The following C1QTNF1 variants were observed in gnomAD, a reference collection of about 807,000 sequenced individuals.
C1QTNF1 encodes the protein complement C1q tumor necrosis factor-related protein 1.
In C1QTNF1, 22 loss-of-function variants were observed where a neutral mutation model predicts 27.8. The observed-to-expected ratio is 0.79, with a 90% confidence interval of 0.56 to 1.13. The LOEUF is 1.13. Among genes scored for constraint, C1QTNF1 ranks in the 50% most tolerant of loss-of-function variants. The pLI is 0.00. For synonymous variants in C1QTNF1, 166 were observed against 154.3 expected (o/e 1.08, Z -0.56); for missense variants, 373 against 380.2 (o/e 0.98, Z 0.16).
At chr17:79,043,881 C>G (rs1409653780) in intron 1 of C1QTNF1, 74 bp from the exon 2 acceptor site, 2 of 1,556,934 alleles carry the variant, frequency 1.3e-6, no homozygotes, top group African/African-American at 1.4e-5. Context: ...GTTTCTCTCC[C>G]CAATTTTCAG....
Position 79,030,853 on chromosome 17 carries a change from G to A in C1QTNF1, c.-15+6359G>A, listed in dbSNP as rs543626492. On this transcript the variant is annotated intron_variant, in intron 1 of 3. Coordinates refer to ENST00000579760, the MANE Select transcript of C1QTNF1 (RefSeq NM_030968.5). ...TGACCTCAAGCGATCCGCCTGCCTCGGCCTCCCAGAGTGCTGGGATTACAG... is the reference window on the plus strand; with the variant it reads ...TGACCTCAAGCGATCCGCCTGCCTCAGCCTCCCAGAGTGCTGGGATTACAG... 6.6e-5 allele frequency among the ~76,000 whole-genome samples: 10 copies of A among 151,870 alleles called. No individual in the cohort carries two copies. The East Asian group carries it at 1.6e-3, about 24-fold the overall frequency.
At chr17:79,032,756 T>C (rs1355800493) in intron 1 of C1QTNF1, among the ~76,000 whole-genome samples, 1 of 151,982 alleles carries the variant, frequency 6.6e-6, no homozygotes, top group Non-Finnish European at 1.5e-5. Flanking sequence ...TATGAGTTAA[T>C]TGGGGGCTTA....
At chr17:79,025,410 G>A (rs984536599) in intron 1 of C1QTNF1, among the ~76,000 whole-genome samples, 2 of 152,160 alleles carry the variant, frequency 1.3e-5, no homozygotes, top group African/African-American at 4.8e-5. Context: ...GCCCCCCTCT[G>A]TGAGGTGTTC....
At chr17:79,034,840 C>G (rs764740412) in intron 1 of C1QTNF1, among the ~76,000 whole-genome samples, 13 of 152,130 alleles carry the variant, frequency 8.5e-5, no homozygotes, top group Admixed American at 1.3e-4. Context: ...AGGAGATAGG[C>G]TCCAGGACCC....
chr17:79,036,891 C>A (rs958091847), intron 1 of C1QTNF1, among the ~76,000 whole-genome samples: 1 of 152,156 alleles, frequency 6.6e-6, no homozygotes, highest in South Asian at 2.1e-4. Context: ...AGGCTTCTTG[C>A]CTCTCAGAAC....
chr17:79,034,665 G>A (rs981424039), intron 1 of C1QTNF1: 1 of 152,258 alleles, frequency 6.6e-6, no homozygotes, highest in Non-Finnish European at 1.5e-5. Context: ...CAGGGAAGAG[G>A]AAACCGTTGC....
At chr17:79,024,093 G>C (rs907937621), upstream of C1QTNF1, 1 of 152,800 alleles carries the variant, frequency 6.5e-6, no homozygotes. Flanking sequence ...GCGCGGCGCG[G>C]GGCACACACG....
rs397856558 is a variant in C1QTNF1, at chr17:79,039,797, G to GTA, written c.-14-4144_-14-4143dup. On this transcript the variant is annotated intron_variant, in intron 1 of 3. Coordinates refer to ENST00000579760, the MANE Select transcript of C1QTNF1 (RefSeq NM_030968.5). ...CTTAAATAAATATGTGTGTGTGTGT[G>GTA]TATATATATATATATGTAAATATGT... Among the ~76,000 whole-genome samples, 435 of 149,226 alleles carry GTA rather than the reference G, an allele frequency of 2.9e-3. 1 individual carries two copies. Among genetic ancestry groups the GTA allele is most frequent in the African/African-American group, 7.2e-3 (292 of 40,772 alleles).
chr17:79,042,331 G>A (rs941669844), intron 1 of C1QTNF1, among the ~76,000 whole-genome samples: 7 of 152,358 alleles, frequency 4.6e-5, no homozygotes, highest in East Asian at 1.9e-4. Context: ...CCCAAGTGCC[G>A]CCCCTCGCGG....
Position 79,043,959 on chromosome 17 carries a change from C to T in C1QTNF1, c.-10C>T, listed in dbSNP as rs373766762. 6.6e-5 allele frequency: 107 copies of T among 1,613,960 alleles called. No homozygotes were observed. In the Middle Eastern group the frequency reaches 1.3e-3, roughly 20 times the overall value. ...TGTGTGTTTCTTTCCCACCAGGGCC[C>T]GGCAGGAAGATGGGCTCCCGTGGAC... On this transcript the variant is annotated 5_prime_UTR_variant, in exon 2 of 4. Transcript: ENST00000579760.
chr17:79,026,853 C>T (rs1239014594), intron 1 of C1QTNF1, among the ~76,000 whole-genome samples: 1 of 152,196 alleles, frequency 6.6e-6, no homozygotes, highest in Non-Finnish European at 1.5e-5. Flanking sequence ...GAAGTGACCC[C>T]CCTTTTCAGG....
At chr17:79,026,275 C>T (rs945310706) in intron 1 of C1QTNF1, among the ~76,000 whole-genome samples, 5 of 152,142 alleles carry the variant, frequency 3.3e-5, no homozygotes, top group Non-Finnish European at 5.9e-5. Flanking sequence ...CCTGCCTCAG[C>T]CTCCCAAGTA....
chr17:79,048,040 C>A lies in C1QTNF1; in HGVS notation c.798C>A (p.Thr266=). The A allele has an allele frequency of 6.3e-7, 1 of 1,593,262 alleles. No individual in the cohort carries two copies. Among genetic ancestry groups the A allele is most frequent in the Non-Finnish European group, 8.5e-7 (1 of 1,172,158 alleles). Residue 266 remains threonine, a synonymous_variant, in exon 4 of 4, where the codon ACC becomes ACA. Transcript: ENST00000579760. ...ENAIFSEELD[T]YITFSGYLVK... ...CCATCTTCAGCGAGGAGCTGGACAC[C>A]TACATCACCTTCAGTGGCTACCTGG... is the stretch of plus-strand genomic sequence containing the variant.
Position 79,048,146 on chromosome 17 carries a change from A to AGGGCTCAGCACCAGG in C1QTNF1, c.*58_*59insGGGCTCAGCACCAGG. On this transcript the variant is annotated 3_prime_UTR_variant, in exon 4 of 4. Transcript: ENST00000579760. Reference sequence around the variant, plus strand: ...TCCACCCCTGCGCTGTGCTGACCCCACCGCCTCTTCCCCGATCCCTGGACT... The same window carrying AGGGCTCAGCACCAGG: ...TCCACCCCTGCGCTGTGCTGACCCCAGGGCTCAGCACCAGGCCGCCTCTTCCCCGATCCCTGGACT... 8.3e-5 allele frequency: 118 copies of AGGGCTCAGCACCAGG among 1,416,754 alleles called. No individual in the cohort carries two copies. The highest frequency in any genetic ancestry group is 1.7e-4 in the Admixed American group (6 of 35,756). The allele number at this position is 1,416,754 out of a possible 1,614,324, so 87.8% of individuals were successfully genotyped here. A position where few individuals can be genotyped will look rare whatever the true frequency, so the allele number is the denominator to read the frequency against.
intron 1 of C1QTNF1, among the ~76,000 whole-genome samples, chr17:79,035,330 T>C (rs1293975540): frequency 6.6e-6 from 1 of 152,052 alleles, no homozygotes; most frequent in Non-Finnish European, 1.5e-5. Flanking sequence ...ATTCTGGGGA[T>C]GTTCCAAAGG....
At position 79,043,615 on chromosome 17, in the gene C1QTNF1, G is replaced by T. The variant is rs1233014473; in HGVS notation, c.-14-340G>T. The T allele has an allele frequency of 8.6e-6, 4 of 467,546 alleles. No homozygotes were observed. In the East Asian group the frequency reaches 2.5e-4, roughly 29 times the overall value. The allele number at this position is 467,546 out of a possible 1,614,324, so 29.0% of individuals were successfully genotyped here. On this transcript the variant is annotated intron_variant, in intron 1 of 3. Coordinates refer to ENST00000579760, the MANE Select transcript of C1QTNF1 (RefSeq NM_030968.5). Reference sequence around the variant, plus strand: ...TGTGTGGATTGCATGTGTGTTGGGTGCATGTGAATGTGTGGGTTGCATGTG... The same window carrying T: ...TGTGTGGATTGCATGTGTGTTGGGTTCATGTGAATGTGTGGGTTGCATGTG...
At chr17:79,026,955 A>G (rs1235274723) in intron 1 of C1QTNF1, among the ~76,000 whole-genome samples, 5 of 152,190 alleles carry the variant, frequency 3.3e-5, no homozygotes, top group African/African-American at 1.2e-4. Context: ...TGACTCATAA[A>G]CCAAATATTC....
At chr17:79,023,704 G>GCGCGCGCGCACACACA (rs1267428917), upstream of C1QTNF1, among the ~76,000 whole-genome samples, 78 of 145,024 alleles carry the variant, frequency 5.4e-4, 1 homozygote, top group East Asian at 8.5e-3. Flanking sequence ...GCGCGCGCGC[G>GCGCGCGCGCACACACA]CACACACACA....
At chr17:79,028,885 TG>T (rs749419352) in intron 1 of C1QTNF1, among the ~76,000 whole-genome samples, 94 of 81,638 alleles carry the variant, frequency 1.2e-3, no homozygotes, top group Admixed American at 4.6e-3. Context: ...CATTTTAAGG[TG>T]TGTGTGTGTG....
Sources: gnomAD v4.1 joint callset for allele counts (sites outside exome capture counted in the v4.1 genomes callset) on GRCh38, gnomAD v4.1.1 for gene constraint, MANE v1.5 for transcripts, NCBI Gene and HGNC (gene_info 2026-07-23, HGNC 2026-07-21) for gene names.